Variants in KCND3 observed in about 807,000 individuals in gnomAD.
The protein encoded by KCND3 is A-type voltage-gated potassium channel KCND3.
In KCND3, 9 loss-of-function variants were observed where a neutral mutation model predicts 51.1. That is an observed-to-expected ratio of 0.18 (90% CI 0.11 to 0.31). KCND3 has a LOEUF of 0.31. Among genes scored for constraint, KCND3 ranks in the 10% least tolerant of loss-of-function variants. The pLI, the probability that KCND3 is intolerant of heterozygous loss-of-function variation, is 1.00. For synonymous variants in KCND3, 349 were observed against 368.0 expected, an observed-to-expected ratio of 0.95 and a Z score of 0.59; for missense variants, 526 against 903.8, an observed-to-expected ratio of 0.58 and a Z score of 5.36.
intron 2 of KCND3, among the ~76,000 whole-genome samples, chr1:111,808,053 T>C (rs922322469): frequency 3.3e-5 from 5 of 152,232 alleles, no homozygotes; most frequent in African/African-American, 1.2e-4. Flanking sequence ...AATGGGTTTA[T>C]TAAATGCTAA....
chr1:111,944,618 A>G (rs1672692085), intron 2 of KCND3, among the ~76,000 whole-genome samples: 1 of 152,228 alleles, frequency 6.6e-6, no homozygotes, highest in Non-Finnish European at 1.5e-5. Context: ...GGGCATGTGC[A>G]TGCTGCCCTG....
At chr1:111,784,866 C>G (rs185044087) in intron 3 of KCND3, among the ~76,000 whole-genome samples, 1 of 152,008 alleles carries the variant, frequency 6.6e-6, no homozygotes, top group East Asian at 1.9e-4. Flanking sequence ...TCTTTAGCAG[C>G]GAGAGGAAGG....
At chr1:111,956,709 G>T (rs1480105127) in intron 2 of KCND3, among the ~76,000 whole-genome samples, 2 of 152,206 alleles carry the variant, frequency 1.3e-5, no homozygotes, top group African/African-American at 2.4e-5. Flanking sequence ...GAAGTACTTG[G>T]CTTCCCCAGA....
chr1:111,859,157 C>G (rs1459288846), intron 2 of KCND3, among the ~76,000 whole-genome samples: 2 of 152,214 alleles, frequency 1.3e-5, no homozygotes, highest in African/African-American at 4.8e-5. Flanking sequence ...GATTGAAACT[C>G]TCTAGCATGA....
At chr1:111,960,676 G>C (rs1418444113) in intron 2 of KCND3, among the ~76,000 whole-genome samples, 3 of 152,242 alleles carry the variant, frequency 2.0e-5, no homozygotes, top group Admixed American at 1.3e-4. Context: ...GAGACAGGGA[G>C]GGAGGCTTGA....
intron 2 of KCND3, among the ~76,000 whole-genome samples, chr1:111,862,264 T>C (rs867921475): frequency 6.6e-6 from 1 of 152,396 alleles, no homozygotes; most frequent in Middle Eastern, 3.4e-3. Context: ...TTGCAGGCCA[T>C]AGGCCTCTGT....
chr1:111,817,553 A>C (rs1219978395), intron 2 of KCND3, among the ~76,000 whole-genome samples: 1 of 152,262 alleles, frequency 6.6e-6, no homozygotes, highest in East Asian at 1.9e-4. Flanking sequence ...GACTGAAAAA[A>C]GACAAACAGT....
intron 2 of KCND3, among the ~76,000 whole-genome samples, chr1:111,956,986 T>C (rs1158998063): frequency 6.6e-6 from 1 of 152,194 alleles, no homozygotes; most frequent in Non-Finnish European, 1.5e-5. Context: ...CAATCTTGTT[T>C]TGCTGTACTC....
At chr1:111,927,871 A>G (rs919419831) in intron 2 of KCND3, among the ~76,000 whole-genome samples, 2 of 152,186 alleles carry the variant, frequency 1.3e-5, no homozygotes, top group Non-Finnish European at 2.9e-5. Flanking sequence ...CTCCTCAGGC[A>G]TCCCAGGCCT....
At chr1:111,942,153 GC>G (rs1672555085) in intron 2 of KCND3, among the ~76,000 whole-genome samples, 1 of 152,178 alleles carries the variant, frequency 6.6e-6, no homozygotes, top group South Asian at 2.1e-4. Flanking sequence ...TGTACTACGA[GC>G]CAGGTCCTGT....
chr1:111,930,151 C>T (rs1443928), intron 2 of KCND3, among the ~76,000 whole-genome samples: 53,270 of 151,010 alleles, frequency 0.35, 11,014 homozygotes, highest in East Asian at 0.47. Context: ...TCACTGTTTT[C>T]GGTTTTTGTT....
Position 111,780,622 on chromosome 1 carries a change from C to G in KCND3, c.1371+68G>C. The G allele has an allele frequency of 7.5e-7, 1 of 1,341,218 alleles. No homozygotes were observed. Among genetic ancestry groups the G allele is most frequent in the Non-Finnish European group, 1.0e-6 (1 of 953,558 alleles). 83.1% of individuals were successfully genotyped at this position (1,341,218 alleles called of 1,614,324 possible). A position where few individuals can be genotyped will look rare whatever the true frequency, so the allele number is the denominator to read the frequency against. On this transcript the variant is annotated intron_variant, in intron 4 of 7. Coordinates refer to ENST00000302127, the MANE Select transcript of KCND3 (RefSeq NM_001378969.1). The surrounding 1 kb of genome is among the most constrained non-coding windows in gnomAD (Gnocchi z 4.2). ...GGGGCTCTGGTGAGAGTGCTGGTGTCCCGGGAAAGAGAAAACAAGCCCATC... is the reference window on the plus strand; with the variant it reads ...GGGGCTCTGGTGAGAGTGCTGGTGTGCCGGGAAAGAGAAAACAAGCCCATC...
intron 2 of KCND3, among the ~76,000 whole-genome samples, chr1:111,930,449 A>G (rs1671911690): frequency 6.6e-6 from 1 of 152,226 alleles, no homozygotes; most frequent in Non-Finnish European, 1.5e-5. Context: ...GTGTTCCTCA[A>G]TGAATGCTGG....
chr1:111,953,995 A>C (rs925353294), intron 2 of KCND3, among the ~76,000 whole-genome samples: 2 of 152,030 alleles, frequency 1.3e-5, no homozygotes, highest in African/African-American at 4.8e-5. Flanking sequence ...GGGAGGCACC[A>C]TGGGCTAACA....
intron 2 of KCND3, among the ~76,000 whole-genome samples, chr1:111,948,895 G>A (rs1383477956): frequency 1.3e-5 from 2 of 152,120 alleles, no homozygotes; most frequent in Non-Finnish European, 2.9e-5. Flanking sequence ...AGAGAAGAGA[G>A]GGCAAGTCCA....
chr1:111,809,467 C>G (rs1002192663), intron 2 of KCND3, among the ~76,000 whole-genome samples: 11 of 152,186 alleles, frequency 7.2e-5, no homozygotes, highest in African/African-American at 2.6e-4. Context: ...CACCACCACA[C>G]CCGGCTAATT....
At chr1:111,821,738 C>A (rs569733831) in intron 2 of KCND3, among the ~76,000 whole-genome samples, 25 of 152,300 alleles carry the variant, frequency 1.6e-4, no homozygotes, top group African/African-American at 6.0e-4. Context: ...TCACCCTGGG[C>A]TCTTGTCATC....
chr1:111,911,561 A>G (rs1670948214), intron 2 of KCND3, among the ~76,000 whole-genome samples: 2 of 152,214 alleles, frequency 1.3e-5, no homozygotes. Context: ...ATATAGTTAT[A>G]TAGCAGTGAA....
At chr1:111,794,835 C>A (rs1040641706) in intron 2 of KCND3, among the ~76,000 whole-genome samples, 1 of 152,192 alleles carries the variant, frequency 6.6e-6, no homozygotes, top group Non-Finnish European at 1.5e-5. Context: ...CTATTATTAT[C>A]CCCATTTTGC....
Sources: gnomAD v4.1 joint callset for allele counts (sites outside exome capture counted in the v4.1 genomes callset) on GRCh38, gnomAD v4.1.1 for gene constraint, Gnocchi (gnomAD v3.1) non-coding constraint, MANE v1.5 for transcripts, NCBI Gene and HGNC (gene_info 2026-07-23, HGNC 2026-07-21) for gene names.